METTL25: variants seen among roughly 807,000 people sequenced by gnomAD.
The protein encoded by METTL25 is methyltransferase like 25.
A neutral mutation model predicts 71.6 loss-of-function variants in METTL25; 64 were observed. The observed-to-expected ratio is 0.89, with a 90% CI of 0.73 to 1.10. The LOEUF (loss-of-function observed/expected upper bound fraction) is 1.10, where lower values mean the gene tolerates loss of function less well. Among genes scored for constraint, METTL25 ranks in the 50% least tolerant of loss-of-function variants. The probability of loss-of-function intolerance (pLI) is 0.00; values close to 1 mark genes in which losing one functional copy is unlikely to be tolerated. For synonymous variants in METTL25, 287 were observed against 250.3 expected (o/e 1.15, Z -1.38); for missense variants, 807 against 707.0 (o/e 1.14, Z -1.60).
At chr12:82,438,130 CTT>C (rs1004967270) in intron 7 of METTL25, among the ~76,000 whole-genome samples, 1 of 151,728 alleles carries the variant, frequency 6.6e-6, no homozygotes, top group Non-Finnish European at 1.5e-5. Context: ...TCCCATATCT[CTT>C]TCTGCAAGAA....
At chr12:82,472,292 T>C (rs948832645) in intron 9 of METTL25, among the ~76,000 whole-genome samples, 4 of 152,204 alleles carry the variant, frequency 2.6e-5, no homozygotes, top group African/African-American at 9.7e-5. Flanking sequence ...TTTTTTGTTT[T>C]TTTCGTTTTG....
intron 9 of METTL25, among the ~76,000 whole-genome samples, chr12:82,470,612 A>T (rs77753356): frequency 1.3e-5 from 2 of 152,208 alleles, no homozygotes; most frequent in Non-Finnish European, 2.9e-5. Context: ...GGAAAAAAAA[A>T]GCCTTTCTGC....
At chr12:82,461,075 A>G (rs1431313029) in intron 9 of METTL25, among the ~76,000 whole-genome samples, 3 of 152,124 alleles carry the variant, frequency 2.0e-5, no homozygotes, top group Non-Finnish European at 2.9e-5. Flanking sequence ...CCCGGGAGGC[A>G]GAGTTTGCAG....
At chr12:82,386,720 A>T in intron 1 of METTL25, 83 bp from the exon 2 acceptor site, 1 of 1,092,966 alleles carries the variant, frequency 9.1e-7, no homozygotes, top group South Asian at 1.5e-5. Flanking sequence ...TATACAAATT[A>T]AGTGTTCATT....
intron 7 of METTL25, among the ~76,000 whole-genome samples, chr12:82,437,104 T>C (rs1027586449): frequency 6.6e-6 from 1 of 151,656 alleles, no homozygotes; most frequent in African/African-American, 2.4e-5. Context: ...ATGGAAAATA[T>C]ATCCAGAGAT....
At chr12:82,445,473 G>A (rs1039198703) in intron 8 of METTL25, among the ~76,000 whole-genome samples, 2 of 152,098 alleles carry the variant, frequency 1.3e-5, no homozygotes, top group Non-Finnish European at 2.9e-5. Flanking sequence ...TTGAGCTCAA[G>A]TGTTGCGAGT....
At chr12:82,412,689 A>G (rs1352740482) in intron 5 of METTL25, among the ~76,000 whole-genome samples, 6 of 152,160 alleles carry the variant, frequency 3.9e-5, no homozygotes, top group African/African-American at 2.4e-5. Context: ...TATTTGGCAT[A>G]TATCAGATGC....
chr12:82,362,552 G>A (rs907081141), intron 1 of METTL25, among the ~76,000 whole-genome samples: 5 of 152,174 alleles, frequency 3.3e-5, no homozygotes, highest in South Asian at 4.1e-4. Context: ...TGGTGAGACC[G>A]GTGAGAGATG....
At chr12:82,403,662 A>G (rs1886833731) in intron 5 of METTL25, among the ~76,000 whole-genome samples, 1 of 152,214 alleles carries the variant, frequency 6.6e-6, no homozygotes, top group Non-Finnish European at 1.5e-5. Context: ...TGCTACCTGT[A>G]CTTAGAAGGT....
At chr12:82,400,254 C>T (rs1886483634) in intron 4 of METTL25, among the ~76,000 whole-genome samples, 1 of 151,848 alleles carries the variant, frequency 6.6e-6, no homozygotes, top group Admixed American at 6.6e-5. Flanking sequence ...ATGGCATGAA[C>T]CCTGGAGGTG....
At chr12:82,413,711 G>A (rs79371273) in intron 5 of METTL25, among the ~76,000 whole-genome samples, 8,604 of 151,888 alleles carry the variant, frequency 0.057, 326 homozygotes, top group African/African-American at 0.11. Flanking sequence ...TGAAACATGC[G>A]TATTATTTCA....
At chr12:82,478,425 TCCTA>T (rs1220196082) in intron 11 of METTL25, among the ~76,000 whole-genome samples, 3 of 151,808 alleles carry the variant, frequency 2.0e-5, no homozygotes, top group Admixed American at 6.6e-5. Flanking sequence ...GTAGTCATAA[TCCTA>T]CCTTTTATTT....
chr12:82,458,170 C>T (rs1460957946), intron 9 of METTL25, among the ~76,000 whole-genome samples: 1 of 151,876 alleles, frequency 6.6e-6, no homozygotes, highest in Non-Finnish European at 1.5e-5. Context: ...TAATAAGATA[C>T]TAAGAATAGT....
chr12:82,452,613 A>G (rs1196287701), intron 8 of METTL25, among the ~76,000 whole-genome samples: 1 of 152,224 alleles, frequency 6.6e-6, no homozygotes, highest in African/African-American at 2.4e-5. Context: ...ACAAAAGAGC[A>G]ATTACATTCT....
At chr12:82,398,253 CT>C (rs572095749) in intron 3 of METTL25, among the ~76,000 whole-genome samples, 1,676 of 142,406 alleles carry the variant, frequency 0.012, 22 homozygotes, top group African/African-American at 0.039. Context: ...TTTTATTTTT[CT>C]TTTTTTTTTT....
chr12:82,376,935 G>A (rs906409102), intron 1 of METTL25, among the ~76,000 whole-genome samples: 3 of 152,012 alleles, frequency 2.0e-5, no homozygotes, highest in South Asian at 2.1e-4. Flanking sequence ...CCAATGTGGC[G>A]AAACCCTGTC....
chr12:82,397,723 A>G (rs1197744225), intron 3 of METTL25, among the ~76,000 whole-genome samples: 2 of 152,004 alleles, frequency 1.3e-5, no homozygotes, highest in African/African-American at 4.8e-5. Context: ...TATCTTGGGC[A>G]CTTTGTCCAA....
intron 5 of METTL25, among the ~76,000 whole-genome samples, chr12:82,420,867 CT>C (rs1888417586): frequency 1.4e-5 from 2 of 146,884 alleles, no homozygotes; most frequent in Non-Finnish European, 1.5e-5. Flanking sequence ...TTTTTTTTCT[CT>C]TTTTGGAGGT....
rs11115265 is a variant in METTL25 at position 82,373,554 on chromosome 12, G to A, written c.260-13249G>A. On this transcript the variant is annotated intron_variant, in intron 1 of 11. Coordinates refer to ENST00000248306, the MANE Select transcript of METTL25 (RefSeq NM_032230.3). ...GACTAGCCTTGGAGAAGAGAGGTGA[G>A]AGAAAGTTTGTCTGACAGGCATTAG... is the stretch of plus-strand genomic sequence containing the variant. 2.3e-3 allele frequency among the ~76,000 whole-genome samples: 357 copies of A among 152,308 alleles called. 1 individual carries two copies. Among genetic ancestry groups the A allele is most frequent in the African/African-American group, 7.8e-3 (326 of 41,554 alleles).
Sources: allele counts gnomAD v4.1 joint callset (sites outside exome capture counted in the v4.1 genomes callset), GRCh38; gene constraint gnomAD v4.1.1; transcripts MANE v1.5; gene names NCBI Gene and HGNC (gene_info 2026-07-23, HGNC 2026-07-21).